Variants in RGMA observed in about 807,000 individuals in gnomAD.
RGMA encodes the protein repulsive guidance molecule BMP co-receptor a.
In RGMA, 10 loss-of-function variants were observed where a neutral mutation model predicts 23.2. The observed-to-expected ratio is 0.43, with a 90% CI of 0.27 to 0.73. The LOEUF (loss-of-function observed/expected upper bound fraction) is 0.73, where lower values mean the gene tolerates loss of function less well. Among genes scored for constraint, RGMA ranks in the 30% least tolerant of loss-of-function variants. The probability of loss-of-function intolerance (pLI) is 0.20; values close to 1 mark genes in which losing one functional copy is unlikely to be tolerated. For synonymous variants in RGMA, 308 were observed against 279.3 expected, an observed-to-expected ratio of 1.10 and a Z score of -1.03; for missense variants, 547 against 630.5, an observed-to-expected ratio of 0.87 and a Z score of 1.42.
intron 3 of RGMA, among the ~76,000 whole-genome samples, chr15:93,049,242 A>G (rs62045485): frequency 0.091 from 13,888 of 152,270 alleles, 678 homozygotes; most frequent in Middle Eastern, 0.22. Flanking sequence ...CACCACCTCC[A>G]TGCCAGGCCT....
intron 1 of RGMA, among the ~76,000 whole-genome samples, chr15:93,075,826 C>T (rs1295096398): frequency 1.3e-5 from 2 of 149,470 alleles, no homozygotes; most frequent in African/African-American, 2.4e-5. Context: ...GGCTTTTTTT[C>T]CCCCCCTTTC....
At chr15:93,085,456 GA>G (rs1224065251) in intron 1 of RGMA, among the ~76,000 whole-genome samples, 1 of 152,206 alleles carries the variant, frequency 6.6e-6, no homozygotes, top group Non-Finnish European at 1.5e-5. Context: ...TTTGCTTTCT[GA>G]AAGTTCTTCA....
intron 1 of RGMA, among the ~76,000 whole-genome samples, chr15:93,083,519 G>A (rs934781030): frequency 1.8e-4 from 27 of 152,086 alleles, no homozygotes; most frequent in Non-Finnish European, 4.0e-4. Flanking sequence ...AGCAGAGACC[G>A]GGTTTCACCA....
intron 2 of RGMA, among the ~76,000 whole-genome samples, chr15:93,069,727 G>T (rs1037334878): frequency 6.6e-6 from 1 of 152,192 alleles, no homozygotes; most frequent in South Asian, 2.1e-4. Flanking sequence ...GGTGGGCCTA[G>T]AACTTGCATT....
intron 1 of RGMA, among the ~76,000 whole-genome samples, chr15:93,075,360 G>A (rs1895455471): frequency 6.6e-6 from 1 of 152,044 alleles, no homozygotes; most frequent in Non-Finnish European, 1.5e-5. Context: ...ACAAACAGGT[G>A]TATGCACTGA....
At chr15:93,072,844 G>A in intron 2 of RGMA, 72 bp downstream of exon 2, 3 of 1,516,910 alleles carry the variant, frequency 2.0e-6, no homozygotes, top group Non-Finnish European at 1.8e-6. Context: ...GGACTCACTC[G>A]CGCACATCTG....
At chr15:93,061,179 TAG>T (rs1567187058) in intron 2 of RGMA, among the ~76,000 whole-genome samples, 1 of 150,570 alleles carries the variant, frequency 6.6e-6, no homozygotes, top group African/African-American at 2.5e-5. Context: ...TTTTTTGACA[TAG>T]AGTCACTCTG....
At chr15:93,059,487 G>T (rs1044730490) in intron 2 of RGMA, among the ~76,000 whole-genome samples, 2 of 152,226 alleles carry the variant, frequency 1.3e-5, no homozygotes, top group Non-Finnish European at 2.9e-5. Context: ...GGAATGACTT[G>T]GAAAAGGCCA....
At chr15:93,056,725 G>A (rs2055020883) in intron 2 of RGMA, among the ~76,000 whole-genome samples, 1 of 152,098 alleles carries the variant, frequency 6.6e-6, no homozygotes, top group African/African-American at 2.4e-5. Flanking sequence ...GGAGGTGTCT[G>A]GTTCAAAGTC....
At chr15:93,066,698 A>T (rs993020333) in intron 2 of RGMA, 7 of 373,034 alleles carry the variant, frequency 1.9e-5, no homozygotes, top group African/African-American at 1.3e-4. Flanking sequence ...GGTTTTTTAT[A>T]TTTTTGGTAG....
chr15:93,074,502 G>A (rs1019565508), intron 1 of RGMA, among the ~76,000 whole-genome samples: 1 of 152,210 alleles, frequency 6.6e-6, no homozygotes, highest in African/African-American at 2.4e-5. Context: ...CTGTGCAACA[G>A]GGCAACACGA....
At chr15:93,081,619 C>A (rs1050187809) in intron 1 of RGMA, among the ~76,000 whole-genome samples, 1 of 152,214 alleles carries the variant, frequency 6.6e-6, no homozygotes, top group Non-Finnish European at 1.5e-5. Flanking sequence ...CATTTATCCA[C>A]CAAATGGCAA....
At chr15:93,060,162 T>G (rs1464491705) in intron 2 of RGMA, among the ~76,000 whole-genome samples, 1 of 152,178 alleles carries the variant, frequency 6.6e-6, no homozygotes, top group Non-Finnish European at 1.5e-5. Flanking sequence ...TTCCTGAGCT[T>G]CCATTTCTAC....
At chr15:93,057,427 TC>T (rs2055032208) in intron 2 of RGMA, among the ~76,000 whole-genome samples, 1 of 152,054 alleles carries the variant, frequency 6.6e-6, no homozygotes, top group South Asian at 2.1e-4. Flanking sequence ...CTGCCCCCTC[TC>T]CCTCCTTCTG....
chr15:93,053,079 G>A (rs1257259723), intron 2 of RGMA, among the ~76,000 whole-genome samples: 1 of 152,168 alleles, frequency 6.6e-6, no homozygotes, highest in Non-Finnish European at 1.5e-5. Context: ...CTCAATGAAC[G>A]TCGCCTGGTA....
At chr15:93,056,406 C>G (rs543440816) in intron 2 of RGMA, among the ~76,000 whole-genome samples, 77 of 141,184 alleles carry the variant, frequency 5.5e-4, no homozygotes, top group South Asian at 2.3e-3. Context: ...GCGCCTGAGA[C>G]GAGGCCCTTT....
At chr15:93,071,813 G>A (rs1555450639) in intron 2 of RGMA, among the ~76,000 whole-genome samples, 1 of 152,230 alleles carries the variant, frequency 6.6e-6, no homozygotes, top group Non-Finnish European at 1.5e-5. Context: ...AGTAGTGCGC[G>A]GGGGCTGCGG....
chr15:93,037,564 C>A lies in RGMA; in HGVS notation c.*7434G>T, dbSNP rs2054674757. ...GTCCTGCGGTCAGCATGGCCCCGAG[C>A]CAGCTCACCAGGGTAATAAACTGCC... is the stretch of plus-strand genomic sequence containing the variant. On this transcript the variant is annotated 3_prime_UTR_variant, in exon 4 of 4. Coordinates refer to ENST00000329082, the MANE Select transcript of RGMA (RefSeq NM_020211.3). This position sits in a 1 kb window ranked among gnomAD's most constrained non-coding sequence, Gnocchi z 4.3. The A allele has an allele frequency of 6.6e-6, 1 of 152,242 alleles. No individual in the cohort carries two copies. The allele number at this position is 152,242 out of a possible 1,614,324, so 9.4% of individuals were successfully genotyped here.
At chr15:93,079,780 A>G (rs1254241343) in intron 1 of RGMA, among the ~76,000 whole-genome samples, 1 of 152,180 alleles carries the variant, frequency 6.6e-6, no homozygotes, top group Admixed American at 6.5e-5. Context: ...AGGTCCTGCC[A>G]CTGCACTCCA....
Sources: allele counts gnomAD v4.1 joint callset (sites outside exome capture counted in the v4.1 genomes callset), GRCh38; gene constraint gnomAD v4.1.1; non-coding constraint Gnocchi (gnomAD v3.1); transcripts MANE v1.5; gene names NCBI Gene and HGNC (gene_info 2026-07-23, HGNC 2026-07-21).